The following ACTR3C variants were observed in gnomAD, a reference collection of about 807,000 sequenced individuals.
ACTR3C encodes actin related protein 3C, also known as actin-related protein 3C.
In ACTR3C, 18 loss-of-function variants were observed where a neutral mutation model predicts 26.3. The ratio of observed to expected loss-of-function variants is 0.68; its 90% confidence interval spans 0.47 to 1.01. The LOEUF is 1.01. Ranked by LOEUF, ACTR3C falls within the 50% of genes least tolerant of loss-of-function variation. The pLI is 0.00. For synonymous variants in ACTR3C, 55 were observed against 94.5 expected (o/e 0.58, Z 2.42); for missense variants, 184 against 250.7 (o/e 0.73, Z 1.80).
At chr7:150,161,181 T>C in the ACTR3C span, among the ~76,000 whole-genome samples, 2 of 141,708 alleles carry the variant, frequency 1.4e-5, no homozygotes, top group Non-Finnish European at 3.0e-5. Context: ...CTCAGCCAGA[T>C]GAAACGAGGG....
At chr7:149,922,787 A>G in the ACTR3C span, among the ~76,000 whole-genome samples, 1 of 151,656 alleles carries the variant, frequency 6.6e-6, no homozygotes, top group African/African-American at 2.4e-5. Context: ...TATAAGACAT[A>G]TGGTAAAATC....
chr7:150,279,556 C>A (rs1323279583), intron 6 of ACTR3C, among the ~76,000 whole-genome samples: 1 of 151,326 alleles, frequency 6.6e-6, no homozygotes, highest in East Asian at 1.9e-4. Flanking sequence ...ATTGCTGGTC[C>A]CACCCTCCCT....
At chr7:149,991,045 G>A in the ACTR3C span, among the ~76,000 whole-genome samples, 10 of 152,276 alleles carry the variant, frequency 6.6e-5, no homozygotes, top group African/African-American at 1.9e-4. Context: ...AAGGAAAGAG[G>A]TTTAATGGAC....
the ACTR3C span, among the ~76,000 whole-genome samples, chr7:149,939,605 G>A: frequency 7.9e-5 from 12 of 152,038 alleles, no homozygotes; most frequent in Non-Finnish European, 1.8e-4. Flanking sequence ...CCTGTGCTGG[G>A]CTCCTGGCTT....
chr7:149,978,079 G>A, the ACTR3C span, among the ~76,000 whole-genome samples: 6 of 151,590 alleles, frequency 4.0e-5, no homozygotes, highest in East Asian at 1.9e-4. Flanking sequence ...TGGAAAGCAC[G>A]GGTTGCCTGT....
chr7:150,142,949 C>T, the ACTR3C span, among the ~76,000 whole-genome samples: 2 of 152,038 alleles, frequency 1.3e-5, no homozygotes, highest in African/African-American at 4.8e-5. Flanking sequence ...ATTCTTTTGC[C>T]TCAGCCTCCC....
intron 2 of ACTR3C, 131 bp downstream of exon 2, chr7:150,295,121 G>T: frequency 9.1e-7 from 1 of 1,095,126 alleles, no homozygotes; most frequent in South Asian, 1.6e-5. Flanking sequence ...AATGGCATGG[G>T]GACGGGGGAG....
At chr7:150,059,685 A>G in the ACTR3C span, among the ~76,000 whole-genome samples, 3 of 152,182 alleles carry the variant, frequency 2.0e-5, no homozygotes, top group Non-Finnish European at 4.4e-5. Context: ...TCTGCACTTT[A>G]TATTTAGGTT....
chr7:150,038,884 G>C, the ACTR3C span, among the ~76,000 whole-genome samples: 2 of 106,022 alleles, frequency 1.9e-5, 1 homozygote, highest in African/African-American at 6.3e-5. Flanking sequence ...CCTCGCGGGG[G>C]GTGCCTCCCC....
At chr7:150,009,216 G>A in the ACTR3C span, among the ~76,000 whole-genome samples, 3 of 152,224 alleles carry the variant, frequency 2.0e-5, no homozygotes, top group East Asian at 3.9e-4. Flanking sequence ...GCTGTGCCAC[G>A]AGGGGCTTCC....
At chr7:149,912,952 T>A in the ACTR3C span, among the ~76,000 whole-genome samples, 1 of 152,258 alleles carries the variant, frequency 6.6e-6, no homozygotes, top group African/African-American at 2.4e-5. Flanking sequence ...ATTCCTTATA[T>A]ATTAATAGTA....
At chr7:150,228,271 G>A in the ACTR3C span, among the ~76,000 whole-genome samples, 1 of 152,078 alleles carries the variant, frequency 6.6e-6, no homozygotes, top group Non-Finnish European at 1.5e-5. Context: ...TGCCGTAAGT[G>A]GTGTTATGTT....
the ACTR3C span, among the ~76,000 whole-genome samples, chr7:150,027,578 T>TC: frequency 6.7e-6 from 1 of 148,298 alleles, no homozygotes; most frequent in East Asian, 1.9e-4. Flanking sequence ...GCCCCATAGT[T>TC]CTTTTTTTAA....
intron 6 of ACTR3C, among the ~76,000 whole-genome samples, chr7:150,252,626 G>A (rs559927489): frequency 5.8e-4 from 88 of 152,166 alleles, no homozygotes; most frequent in African/African-American, 2.0e-3. Context: ...ACAGCTAATG[G>A]GAAAAGACTG....
At chr7:150,068,622 C>CACA in the ACTR3C span, among the ~76,000 whole-genome samples, 18 of 141,474 alleles carry the variant, frequency 1.3e-4, no homozygotes, top group African/African-American at 4.4e-4. Flanking sequence ...ACTAAAAATA[C>CACA]AAAAAAAAAA....
chr7:149,888,818 G>C, the ACTR3C span, among the ~76,000 whole-genome samples: 1 of 152,082 alleles, frequency 6.6e-6, no homozygotes, highest in Non-Finnish European at 1.5e-5. Flanking sequence ...GAACAGTCTG[G>C]CCAACGTGGT....
chr7:150,029,408 A>AC, the ACTR3C span, among the ~76,000 whole-genome samples: 14 of 101,420 alleles, frequency 1.4e-4, no homozygotes, highest in South Asian at 3.5e-4. Context: ...AAAAACAAAA[A>AC]AAAAAAAAAC....
the ACTR3C span, among the ~76,000 whole-genome samples, chr7:150,224,727 C>T: frequency 3.3e-5 from 5 of 152,184 alleles, no homozygotes; most frequent in Non-Finnish European, 5.9e-5. Context: ...GAGGCGTCTA[C>T]ATGCAGCCTA....
chr7:150,300,620 G>A (rs1384562600), intron 1 of ACTR3C, among the ~76,000 whole-genome samples: 2 of 150,908 alleles, frequency 1.3e-5, no homozygotes, highest in East Asian at 3.9e-4. Context: ...CTCTGGCACA[G>A]CAGCTGGTGA....
Sources: allele counts gnomAD v4.1 joint callset (sites outside exome capture counted in the v4.1 genomes callset), GRCh38; gene constraint gnomAD v4.1.1; transcripts MANE v1.5; gene names NCBI Gene and HGNC (gene_info 2026-07-23, HGNC 2026-07-21).